The following MED6 variants were observed in gnomAD, a reference collection of about 807,000 sequenced individuals.
MED6 encodes the protein mediator of RNA polymerase II transcription subunit 6.
Under a neutral mutation model 37.5 loss-of-function variants are expected in MED6, and 33 were observed. The observed-to-expected ratio is 0.88, with a 90% confidence interval of 0.67 to 1.18. The LOEUF is 1.18. Among genes scored for constraint, MED6 ranks in the 50% most tolerant of loss-of-function variants. MED6 has a pLI of 0.00. For missense variants in MED6, 235 were observed against 290.6 expected (o/e 0.81, Z 1.39); for synonymous variants, 94 against 93.6 (o/e 1.00, Z -0.02).
intron 3 of MED6, among the ~76,000 whole-genome samples, chr14:70,593,749 T>A (rs1884955854): frequency 6.6e-6 from 1 of 152,332 alleles, no homozygotes; most frequent in South Asian, 2.1e-4. Flanking sequence ...GATAGTGCAT[T>A]TCTAACGAGT....
chr14:70,586,854 A>G (rs916388608), intron 6 of MED6, among the ~76,000 whole-genome samples: 1 of 152,228 alleles, frequency 6.6e-6, no homozygotes, highest in African/African-American at 2.4e-5. Flanking sequence ...AGGTTACCAC[A>G]GAAGGCCTGA....
chr14:70,593,029 G>A (rs780781592), intron 4 of MED6, 41 bp from the exon 5 acceptor site: 34 of 1,608,970 alleles, frequency 2.1e-5, no homozygotes, highest in Non-Finnish European at 2.4e-5. Flanking sequence ...TCATTAGGTC[G>A]ACCAAACTTT....
chr14:70,594,022 G>A (rs1023974990), intron 3 of MED6, among the ~76,000 whole-genome samples: 5 of 152,048 alleles, frequency 3.3e-5, no homozygotes, highest in Admixed American at 2.0e-4. Flanking sequence ...TTTTACTCTG[G>A]GCAGGGACTC....
intron 6 of MED6, among the ~76,000 whole-genome samples, chr14:70,589,290 C>A (rs1191095127): frequency 6.6e-6 from 1 of 152,156 alleles, no homozygotes; most frequent in African/African-American, 2.4e-5. Context: ...TATCCTATGG[C>A]CACAGAATTC....
intron 3 of MED6, chr14:70,595,445 C>T: frequency 1.7e-6 from 1 of 597,484 alleles, no homozygotes; most frequent in East Asian, 3.5e-5. Flanking sequence ...GAGGTACGGT[C>T]CAGTCCTTGG....
chr14:70,598,162 T>C (rs189679628), intron 1 of MED6, among the ~76,000 whole-genome samples: 10 of 152,028 alleles, frequency 6.6e-5, no homozygotes, highest in Non-Finnish European at 1.2e-4. Context: ...GGCGTGTTTG[T>C]GCATGCCCAT....
Position 70,592,555 on chromosome 14 carries a change from T to C in MED6, c.466+325A>G, listed in dbSNP as rs183823342. ...GTTGCCCAAGCTGATCTTGAACTCC[T>C]AGGCTCAGGTGATCCACCTGCCTTG... On this transcript the variant is annotated intron_variant, in intron 5 of 7. Transcript: ENST00000256379. The C allele has an allele frequency of 5.4e-5, 8 of 148,480 alleles. No homozygotes were observed. In the South Asian group the frequency reaches 7.4e-4, roughly 14 times the overall value. The allele number at this position is 148,480 out of a possible 1,614,324, so 9.2% of individuals were successfully genotyped here.
chr14:70,598,952 A>G (rs917128343), intron 1 of MED6, among the ~76,000 whole-genome samples: 3 of 152,242 alleles, frequency 2.0e-5, no homozygotes, highest in Non-Finnish European at 4.4e-5. Flanking sequence ...ACGGTTTCAT[A>G]TTTAGCGTAG....
intron 3 of MED6, among the ~76,000 whole-genome samples, chr14:70,594,361 T>C (rs1481216452): frequency 6.6e-6 from 1 of 152,258 alleles, no homozygotes; most frequent in Non-Finnish European, 1.5e-5. Flanking sequence ...GTAGGTAGTA[T>C]AACCCACGCA....
intron 3 of MED6, chr14:70,595,918 G>A: frequency 1.9e-6 from 1 of 525,542 alleles, no homozygotes; most frequent in South Asian, 2.0e-5. Flanking sequence ...TGGGATGCTT[G>A]ACGTTCAGTC....
At chr14:70,594,734 C>G (rs60251828) in intron 3 of MED6, 57,210 of 485,836 alleles carry the variant, frequency 0.12, 5,447 homozygotes, top group East Asian at 0.5. Context: ...GGTACAGGAG[C>G]CTGGCCATGG....
rs1884605364 is a variant in MED6 at position 70,583,418 on chromosome 14, A to G, written c.*1395T>C. ...TAAATGACAAAATTCAGTGGTAGCA[A>G]TTCTGGAAAACCTGATACATACTTT... is the stretch of plus-strand genomic sequence containing the variant. On this transcript the variant is annotated 3_prime_UTR_variant, in exon 8 of 8. Transcript: ENST00000256379. The G allele has an allele frequency of 6.6e-6, 1 of 152,218 alleles. No homozygotes were observed. The highest frequency in any genetic ancestry group is 2.1e-4 in the South Asian group (1 of 4,828). The allele number at this position is 152,218 out of a possible 1,614,324, so 9.4% of individuals were successfully genotyped here.
rs960077571 is a variant in MED6 at position 70,583,800 on chromosome 14, T to C, written c.*1013A>G. ...TACGAAAGGAATGATTAAAGTACAG[T>C]TTTAAAAGCATCTACATGCAGCAAG... On this transcript the variant is annotated 3_prime_UTR_variant, in exon 8 of 8. Transcript: ENST00000256379. 2.3e-4 allele frequency: 69 copies of C among 298,642 alleles called. 1 individual carries two copies. The highest frequency in any genetic ancestry group is 9.0e-4 in the Middle Eastern group (1 of 1,114). The allele number at this position is 298,642 out of a possible 1,614,324, so 18.5% of individuals were successfully genotyped here.
chr14:70,596,320 G>A (rs1375217853), intron 3 of MED6: 2 of 257,792 alleles, frequency 7.8e-6, no homozygotes, highest in Non-Finnish European at 7.5e-6. Context: ...CCCTTCACAA[G>A]CAAGAGGGAA....
chr14:70,597,686 AT>A lies in MED6; in HGVS notation c.113del (p.Asn38IlefsTer18), dbSNP rs1885084222. On this transcript the variant is annotated frameshift_variant, in exon 2 of 8. Coordinates refer to ENST00000256379, the MANE Select transcript of MED6 (RefSeq NM_005466.4). LOFTEE classifies it high-confidence loss of function. ...SVLDYFSERSNPFYDRTCNNE... is the reference protein window; with the variant it reads ...SVLDYFSERSXPFYDRTCNNE... ...TATTACATGTTCTGTCATAAAAAGG[AT>A]TACTTCTTTCTGAAAAGTAATCCAG... 1.9e-6 allele frequency: 3 copies of A among 1,565,512 alleles called. No homozygotes were observed. Among genetic ancestry groups the A allele is most frequent in the Non-Finnish European group, 2.6e-6 (3 of 1,163,332 alleles).
At chr14:70,593,987 G>C (rs1262889295) in intron 3 of MED6, among the ~76,000 whole-genome samples, 2 of 152,144 alleles carry the variant, frequency 1.3e-5, no homozygotes, top group East Asian at 3.9e-4. Flanking sequence ...TCTTGTCGCT[G>C]GTTTGCCTTG....
At chr14:70,596,122 G>T in intron 3 of MED6, 1 of 200,924 alleles carries the variant, frequency 5.0e-6, no homozygotes, top group Non-Finnish European at 1.0e-5. Context: ...CAGACAATTT[G>T]TACAAACAAT....
At chr14:70,585,088 T>A in intron 7 of MED6, 145 bp from the exon 8 acceptor site, 2 of 964,952 alleles carry the variant, frequency 2.1e-6, no homozygotes, top group Non-Finnish European at 3.0e-6. Flanking sequence ...CAGGCAGATG[T>A]ATACAAGAAC....
chr14:70,588,264 T>G (rs929455287), intron 6 of MED6, among the ~76,000 whole-genome samples: 5 of 152,176 alleles, frequency 3.3e-5, no homozygotes, highest in African/African-American at 1.2e-4. Flanking sequence ...GGAGTTGGTT[T>G]TTGGCCCTTG....
Sources: allele counts gnomAD v4.1 joint callset (sites outside exome capture counted in the v4.1 genomes callset), GRCh38; gene constraint gnomAD v4.1.1; transcripts MANE v1.5; gene names NCBI Gene and HGNC (gene_info 2026-07-23, HGNC 2026-07-21).